Variants in GPC6 observed in about 807,000 individuals in gnomAD.
The protein encoded by GPC6 is glypican 6.
GPC6 carries 14 observed loss-of-function variants against 55.2 expected under a neutral mutation model. The ratio of observed to expected loss-of-function variants is 0.25; its 90% CI spans 0.17 to 0.40. The LOEUF (loss-of-function observed/expected upper bound fraction) is 0.40, where lower values mean the gene tolerates loss of function less well. GPC6 is among the 10% of genes least tolerant of loss of function. The pLI, the probability that GPC6 is intolerant of heterozygous loss-of-function variation, is 1.00. For synonymous variants in GPC6, 278 were observed against 259.6 expected, an observed-to-expected ratio of 1.07 and a Z score of -0.68; for missense variants, 641 against 708.5, an observed-to-expected ratio of 0.90 and a Z score of 1.08.
Position 94,338,592 on chromosome 13 carries a change from C to T in GPC6, c.1152+32469C>T, listed in dbSNP as rs186043054. 2.4e-4 allele frequency among the ~76,000 whole-genome samples: 37 copies of T among 152,312 alleles called. No homozygotes were observed. The East Asian group carries it at 5.4e-3, about 22-fold the overall frequency. ...CAGCAATCTATTGAGGGCAAGTGTG[C>T]TCTGAGAAAACTGTACTGGTGATGG... On this transcript the variant is annotated intron_variant, in intron 6 of 8. Transcript: ENST00000377047.
At position 94,406,165 on chromosome 13, in the gene GPC6, A is replaced by T. The variant is rs565596302; in HGVS notation, c.*2948A>T. The T allele has an allele frequency of 1.3e-5, 2 of 152,190 alleles. No homozygotes were observed. The highest frequency in any genetic ancestry group is 1.3e-4 in the Admixed American group (2 of 15,292). 9.4% of individuals were successfully genotyped at this position (152,190 alleles called of 1,614,324 possible). On this transcript the variant is annotated 3_prime_UTR_variant, in exon 9 of 9. Transcript: ENST00000377047. ...GTGGGTGATGCTCATAACTGCAAAC[A>T]CTTAGCTTATTGAAGTGCCTCTATT... is the stretch of plus-strand genomic sequence containing the variant.
chr13:93,784,407 G>A (rs1468298227), intron 2 of GPC6, among the ~76,000 whole-genome samples: 1 of 152,138 alleles, frequency 6.6e-6, no homozygotes, highest in Non-Finnish European at 1.5e-5. Flanking sequence ...TGAGCAAACA[G>A]AGATGTAGGG....
At chr13:93,897,174 A>C (rs1244597248) in intron 3 of GPC6, among the ~76,000 whole-genome samples, 1 of 151,946 alleles carries the variant, frequency 6.6e-6, no homozygotes, top group East Asian at 1.9e-4. Flanking sequence ...GAAATGTGGC[A>C]GGGAGGAGAG....
chr13:93,919,360 G>A (rs983083), intron 3 of GPC6, among the ~76,000 whole-genome samples: 12,302 of 152,244 alleles, frequency 0.081, 1,693 homozygotes, highest in African/African-American at 0.28. Context: ...CTAGCCAAGT[G>A]CCTTTTCAAT....
chr13:93,481,736 C>G (rs769711291), intron 1 of GPC6, among the ~76,000 whole-genome samples: 1 of 151,960 alleles, frequency 6.6e-6, no homozygotes, highest in African/African-American at 2.4e-5. Flanking sequence ...CTTAGCCATA[C>G]GGACAAGGAT....
chr13:93,769,222 A>T (rs573058359), intron 2 of GPC6, among the ~76,000 whole-genome samples: 1 of 152,176 alleles, frequency 6.6e-6, no homozygotes, highest in Admixed American at 6.6e-5. Context: ...ATGTGAGAAC[A>T]GAAGGAAAAT....
chr13:93,526,801 T>C (rs1881661438), intron 1 of GPC6, among the ~76,000 whole-genome samples: 1 of 152,130 alleles, frequency 6.6e-6, no homozygotes, highest in African/African-American at 2.4e-5. Flanking sequence ...TGTTCTTAGG[T>C]TAAATGATAT....
At position 93,305,074 on chromosome 13, in the gene GPC6, A is replaced by G. The variant is rs145799806; in HGVS notation, c.160+77458A>G. Among the ~76,000 whole-genome samples, 260 of 152,250 alleles carry G rather than the reference A, an allele frequency of 1.7e-3. 2 individuals are homozygous for G. Among genetic ancestry groups the G allele is most frequent in the South Asian group, 4.8e-3 (23 of 4,832 alleles). ...GGAGCAGGTGATGGTATCAGGATTC[A>G]GCTAATTTACATTTGAGTTCCAGCA... On this transcript the variant is annotated intron_variant, in intron 1 of 8. Coordinates refer to ENST00000377047, the MANE Select transcript of GPC6 (RefSeq NM_005708.5).
In GPC6 at chr13:94,405,493, A is replaced by G. The variant is rs1186641479; in HGVS notation, c.*2276A>G. On this transcript the variant is annotated 3_prime_UTR_variant, in exon 9 of 9. Coordinates refer to ENST00000377047, the MANE Select transcript of GPC6 (RefSeq NM_005708.5). Reference sequence around the variant, plus strand: ...TAATAACTTGCTTTTATGGCTTTAAACTCCAGGTCTTTCCTTTTTAAAATA... The same window carrying G: ...TAATAACTTGCTTTTATGGCTTTAAGCTCCAGGTCTTTCCTTTTTAAAATA... The G allele has an allele frequency of 1.3e-5, 2 of 151,880 alleles. No homozygotes were observed. The highest frequency in any genetic ancestry group is 2.9e-5 in the Non-Finnish European group (2 of 67,950). 9.4% of individuals were successfully genotyped at this position (151,880 alleles called of 1,614,324 possible).
intron 1 of GPC6, among the ~76,000 whole-genome samples, chr13:93,228,389 T>C (rs1334289201): frequency 6.6e-6 from 1 of 152,184 alleles, no homozygotes; most frequent in Non-Finnish European, 1.5e-5. Context: ...CAGCCAACTT[T>C]AGCGGGTGGC....
intron 4 of GPC6, among the ~76,000 whole-genome samples, chr13:94,074,658 C>T (rs962835305): frequency 2.0e-5 from 3 of 152,206 alleles, no homozygotes; most frequent in African/African-American, 7.2e-5. Context: ...AATCACCTGG[C>T]TTTCAGCACC....
At chr13:93,377,957 G>GTTGT (rs1371617582) in intron 1 of GPC6, among the ~76,000 whole-genome samples, 1 of 152,118 alleles carries the variant, frequency 6.6e-6, no homozygotes, top group East Asian at 1.9e-4. Flanking sequence ...TTTTCCTGTG[G>GTTGT]AATAACATTT....
chr13:93,350,048 C>A (rs1459294097), intron 1 of GPC6, among the ~76,000 whole-genome samples: 1 of 152,120 alleles, frequency 6.6e-6, no homozygotes, highest in African/African-American at 2.4e-5. Context: ...AGTACTTATT[C>A]TATTTGTCCA....
chr13:93,751,676 C>A (rs1420111602), intron 2 of GPC6, among the ~76,000 whole-genome samples: 1 of 152,048 alleles, frequency 6.6e-6, no homozygotes, highest in African/African-American at 2.4e-5. Context: ...TGTGCACCAC[C>A]ATGCCTGGCT....
chr13:93,819,744 A>T (rs566474037), intron 2 of GPC6, among the ~76,000 whole-genome samples: 1 of 152,226 alleles, frequency 6.6e-6, no homozygotes, highest in Non-Finnish European at 1.5e-5. Flanking sequence ...CACATTTCAG[A>T]CTTAATTCAT....
intron 1 of GPC6, among the ~76,000 whole-genome samples, chr13:93,393,085 A>G (rs1875690452): frequency 6.8e-6 from 1 of 147,908 alleles, no homozygotes; most frequent in South Asian, 2.1e-4. Context: ...ATATCTATAT[A>G]TAGAGAAAAA....
intron 1 of GPC6, among the ~76,000 whole-genome samples, chr13:93,360,581 A>G (rs2139176803): frequency 6.6e-6 from 1 of 152,080 alleles, no homozygotes; most frequent in East Asian, 1.9e-4. Context: ...TAAAAAAAGT[A>G]AGTGCCTACA....
intron 4 of GPC6, among the ~76,000 whole-genome samples, chr13:94,170,792 C>G (rs1888539570): frequency 6.6e-6 from 1 of 152,164 alleles, no homozygotes; most frequent in South Asian, 2.1e-4. Context: ...TAACAACTCT[C>G]TTGTGAGGGC....
chr13:93,888,904 A>T (rs1468838470), intron 3 of GPC6, among the ~76,000 whole-genome samples: 1 of 152,124 alleles, frequency 6.6e-6, no homozygotes, highest in Non-Finnish European at 1.5e-5. Flanking sequence ...AAACTAATAG[A>T]ACTGAGCAGG....
Sources: allele counts gnomAD v4.1 joint callset (sites outside exome capture counted in the v4.1 genomes callset), GRCh38; gene constraint gnomAD v4.1.1; transcripts MANE v1.5; gene names NCBI Gene and HGNC (gene_info 2026-07-23, HGNC 2026-07-21).